Variants in GRID1 observed in about 807,000 individuals in gnomAD.
GRID1 encodes glutamate receptor ionotropic, delta-1.
Under a neutral mutation model 98.0 loss-of-function variants are expected in GRID1, and 28 were observed. The ratio of observed to expected loss-of-function variants is 0.29; its 90% CI spans 0.21 to 0.39. The LOEUF is 0.39. Among genes scored for constraint, GRID1 ranks in the 10% least tolerant of loss-of-function variants. The pLI, the probability that GRID1 is intolerant of heterozygous loss-of-function variation, is 1.00. For synonymous variants in GRID1, 553 were observed against 538.5 expected (o/e 1.03, Z -0.37); for missense variants, 1,111 against 1,340.5 (o/e 0.83, Z 2.67).
chr10:85,671,383 T>C (rs1361523065), intron 12 of GRID1, among the ~76,000 whole-genome samples: 1 of 152,214 alleles, frequency 6.6e-6, no homozygotes, highest in African/African-American at 2.4e-5. Context: ...TTAAAATTAT[T>C]ACTATTATTA....
chr10:85,945,321 T>A (rs1307615975), intron 4 of GRID1, among the ~76,000 whole-genome samples: 1 of 152,224 alleles, frequency 6.6e-6, no homozygotes, highest in East Asian at 1.9e-4. Context: ...TTATAAACAA[T>A]TTAAGTCCAG....
intron 8 of GRID1, among the ~76,000 whole-genome samples, chr10:85,826,775 C>T (rs1842824080): frequency 6.6e-6 from 1 of 152,156 alleles, no homozygotes; most frequent in Admixed American, 6.5e-5. Flanking sequence ...TCCAGCACAG[C>T]AGGTTCCTAA....
intron 8 of GRID1, among the ~76,000 whole-genome samples, chr10:85,769,480 A>G (rs988253407): frequency 2.0e-5 from 3 of 152,306 alleles, no homozygotes; most frequent in African/African-American, 4.8e-5. Context: ...GGTGCAGGAC[A>G]GTGGGTGCAG....
At chr10:86,251,380 C>T (rs1411010876) in intron 2 of GRID1, among the ~76,000 whole-genome samples, 1 of 147,864 alleles carries the variant, frequency 6.8e-6, no homozygotes, top group Admixed American at 6.7e-5. Context: ...AAAAAAATTG[C>T]ATGTATTTTT....
chr10:85,667,183 C>T (rs1841029719), intron 12 of GRID1, among the ~76,000 whole-genome samples: 1 of 152,164 alleles, frequency 6.6e-6, no homozygotes, highest in Non-Finnish European at 1.5e-5. Context: ...GCACCCACAT[C>T]TAGCACATGG....
chr10:85,892,860 A>T (rs1841225198), intron 5 of GRID1, among the ~76,000 whole-genome samples: 1 of 152,126 alleles, frequency 6.6e-6, no homozygotes, highest in Non-Finnish European at 1.5e-5. Context: ...TCATGTCAGG[A>T]GGCCATCACT....
intron 8 of GRID1, among the ~76,000 whole-genome samples, chr10:85,735,654 T>C (rs111393244): frequency 1.4e-3 from 217 of 152,224 alleles, no homozygotes; most frequent in African/African-American, 4.9e-3. Flanking sequence ...GTTATAAAGG[T>C]GTCTTAAAGT....
chr10:85,943,634 T>A (rs1294691054), intron 4 of GRID1, among the ~76,000 whole-genome samples: 3 of 152,204 alleles, frequency 2.0e-5, no homozygotes, highest in African/African-American at 7.2e-5. Context: ...CCCACCTCTA[T>A]GAAAAGTCAA....
chr10:85,821,360 T>C (rs1327937911), intron 8 of GRID1, among the ~76,000 whole-genome samples: 1 of 150,444 alleles, frequency 6.6e-6, no homozygotes. Context: ...CTACTAAAAA[T>C]ACAAAAATTA....
intron 12 of GRID1, among the ~76,000 whole-genome samples, chr10:85,688,503 C>T (rs1841294022): frequency 6.6e-6 from 1 of 152,158 alleles, no homozygotes; most frequent in African/African-American, 2.4e-5. Context: ...CACGGGCCAT[C>T]ACACATGACC....
intron 15 of GRID1, among the ~76,000 whole-genome samples, chr10:85,603,057 T>A (rs1217064923): frequency 6.6e-6 from 1 of 152,166 alleles, no homozygotes; most frequent in East Asian, 1.9e-4. Context: ...CCCACAGGAA[T>A]AAAGGAAATA....
At chr10:86,364,684 G>T (rs1462528049) in intron 1 of GRID1, among the ~76,000 whole-genome samples, 1 of 152,206 alleles carries the variant, frequency 6.6e-6, no homozygotes, top group Non-Finnish European at 1.5e-5. Flanking sequence ...GACGCTGCCC[G>T]GCCTGGCGCC....
intron 12 of GRID1, among the ~76,000 whole-genome samples, chr10:85,710,345 G>A (rs1299015412): frequency 6.6e-6 from 1 of 152,130 alleles, no homozygotes; most frequent in Non-Finnish European, 1.5e-5. Context: ...GATTTTCGAT[G>A]AGGGTGCCAA....
At position 85,655,987 on chromosome 10, in the gene GRID1, C is replaced by CA. The variant is rs538253251; in HGVS notation, c.1998-8591dup. The stretch of plus-strand genomic sequence containing the variant: ...ATACATACATACATCTTCTCTCTCT[C>CA]AAAAAAAAAAAAAGTCCTGTGAGAT... On this transcript the variant is annotated intron_variant, in intron 12 of 15. Coordinates refer to ENST00000327946, the MANE Select transcript of GRID1 (RefSeq NM_017551.3). Among the ~76,000 whole-genome samples, 387 of 143,712 alleles carry CA rather than the reference C, an allele frequency of 2.7e-3. 1 individual carries two copies. The highest frequency in any genetic ancestry group is 4.1e-3 in the African/African-American group (163 of 39,358). 94.3% of individuals were successfully genotyped at this position (143,712 alleles called of 152,430 possible).
chr10:86,079,043 C>T, intron 4 of GRID1, among the ~76,000 whole-genome samples: 1 of 152,210 alleles, frequency 6.6e-6, no homozygotes, highest in East Asian at 1.9e-4. Flanking sequence ...AACTGGGTAA[C>T]AGCCCAGCAG....
At chr10:86,135,774 A>G (rs922832148) in intron 4 of GRID1, among the ~76,000 whole-genome samples, 11 of 151,004 alleles carry the variant, frequency 7.3e-5, no homozygotes, top group African/African-American at 2.7e-4. Flanking sequence ...TGGTGGTGCC[A>G]TGTGCCCCCA....
chr10:86,339,192 T>A (rs1438884317), intron 2 of GRID1, among the ~76,000 whole-genome samples: 1 of 152,226 alleles, frequency 6.6e-6, no homozygotes, highest in Non-Finnish European at 1.5e-5. Context: ...CTCTCTGCCC[T>A]GCCACACCTG....
At chr10:86,131,473 T>C (rs1486322238) in intron 4 of GRID1, among the ~76,000 whole-genome samples, 2 of 152,180 alleles carry the variant, frequency 1.3e-5, no homozygotes, top group Admixed American at 1.3e-4. Context: ...CGCTATTTAA[T>C]GACCCACAAA....
chr10:86,226,716 C>A (rs1399622642), intron 2 of GRID1, among the ~76,000 whole-genome samples: 1 of 146,690 alleles, frequency 6.8e-6, no homozygotes, highest in African/African-American at 2.6e-5. Flanking sequence ...TGGACAAGTG[C>A]CCCAAGTCCC....
Sources: allele counts gnomAD v4.1 joint callset (sites outside exome capture counted in the v4.1 genomes callset), GRCh38; gene constraint gnomAD v4.1.1; transcripts MANE v1.5; gene names NCBI Gene and HGNC (gene_info 2026-07-23, HGNC 2026-07-21).